DNAH7: variants seen among roughly 807,000 people sequenced by gnomAD.
DNAH7 encodes the protein axonemal beta dynein heavy chain 7.
DNAH7 carries 397 observed loss-of-function variants against 444.6 expected under a neutral mutation model. That is an observed-to-expected ratio of 0.89 (90% CI 0.82 to 0.97). The LOEUF (loss-of-function observed/expected upper bound fraction) is 0.97. Ranked by LOEUF, DNAH7 falls within the 50% of genes least tolerant of loss-of-function variation. DNAH7 has a pLI of 0.00. For missense variants in DNAH7, 4,902 were observed against 4,800.8 expected (o/e 1.02, Z -0.62); for synonymous variants, 1,636 against 1,624.4 (o/e 1.01, Z -0.17).
chr2:196,033,696 GGACA>G (rs1373269904), intron 5 of DNAH7, among the ~76,000 whole-genome samples: 1 of 152,044 alleles, frequency 6.6e-6, no homozygotes, highest in Non-Finnish European at 1.5e-5. Context: ...ATCTGCTGAT[GGACA>G]GTCAGGTTGA....
At chr2:195,807,191 C>T (rs1029596709) in intron 53 of DNAH7, among the ~76,000 whole-genome samples, 1 of 151,178 alleles carries the variant, frequency 6.6e-6, no homozygotes, top group Admixed American at 6.6e-5. Flanking sequence ...GAGTTTTGCT[C>T]TGTCGCCCAG....
At chr2:195,776,132 C>G in intron 59 of DNAH7, 149 bp from the exon 60 acceptor site, 1 of 1,068,386 alleles carries the variant, frequency 9.4e-7, no homozygotes, top group Non-Finnish European at 1.3e-6. Context: ...TTCTTTCAGC[C>G]TGGGCCAAAG....
intron 10 of DNAH7, among the ~76,000 whole-genome samples, chr2:196,009,599 G>C (rs894052845): frequency 1.3e-5 from 2 of 152,140 alleles, no homozygotes; most frequent in Non-Finnish European, 2.9e-5. Flanking sequence ...TATTACATTG[G>C]TCTGGGCAAA....
chr2:195,785,438 G>A (rs980568438), intron 58 of DNAH7, among the ~76,000 whole-genome samples: 1 of 152,130 alleles, frequency 6.6e-6, no homozygotes, highest in Non-Finnish European at 1.5e-5. Flanking sequence ...GTCGAAAGCA[G>A]TAGTGAGAAA....
chr2:195,866,934 G>A (rs2125104987), intron 40 of DNAH7, among the ~76,000 whole-genome samples: 1 of 152,214 alleles, frequency 6.6e-6, no homozygotes, highest in African/African-American at 2.4e-5. Context: ...TTTTAAAAAG[G>A]GGAGTTTCCC....
intron 15 of DNAH7, among the ~76,000 whole-genome samples, chr2:195,980,354 G>A (rs954503715): frequency 1.3e-5 from 2 of 152,136 alleles, no homozygotes; most frequent in African/African-American, 4.8e-5. Flanking sequence ...CTTCTGCCAT[G>A]ACTGTAAGTT....
intron 5 of DNAH7, among the ~76,000 whole-genome samples, chr2:196,037,548 G>T (rs878884073): frequency 1.3e-5 from 2 of 152,058 alleles, no homozygotes; most frequent in Admixed American, 1.3e-4. Context: ...TGAAAGGATA[G>T]ATGTCACAAA....
chr2:196,064,643 T>C (rs16844454), intron 1 of DNAH7, among the ~76,000 whole-genome samples: 6,720 of 152,276 alleles, frequency 0.044, 342 homozygotes, highest in African/African-American at 0.12. Flanking sequence ...TGTCAAACAA[T>C]CTAAGATATT....
intron 12 of DNAH7, among the ~76,000 whole-genome samples, chr2:195,997,899 C>T (rs1331810775): frequency 6.6e-6 from 1 of 152,102 alleles, no homozygotes; most frequent in Non-Finnish European, 1.5e-5. Context: ...ATCTGTATCT[C>T]TGGGGCAAGG....
intron 64 of DNAH7, among the ~76,000 whole-genome samples, chr2:195,740,329 T>G (rs926352158): frequency 6.6e-6 from 1 of 152,136 alleles, no homozygotes; most frequent in Non-Finnish European, 1.5e-5. Context: ...GAGAAAATAT[T>G]AGCTCATGCC....
chr2:195,828,998 C>T (rs1195995248), intron 48 of DNAH7, among the ~76,000 whole-genome samples: 2 of 152,146 alleles, frequency 1.3e-5, no homozygotes, highest in African/African-American at 4.8e-5. Flanking sequence ...TGAAAGTTTA[C>T]ATCTTTACAA....
At chr2:196,014,721 C>T (rs547903850) in intron 9 of DNAH7, among the ~76,000 whole-genome samples, 8 of 152,166 alleles carry the variant, frequency 5.3e-5, no homozygotes, top group Non-Finnish European at 1.2e-4. Context: ...AAATTCCACT[C>T]GAAGTATCTA....
intron 49 of DNAH7, among the ~76,000 whole-genome samples, chr2:195,820,818 C>T (rs1697433364): frequency 6.6e-6 from 1 of 152,130 alleles, no homozygotes; most frequent in Admixed American, 6.6e-5. Flanking sequence ...GAAACAACCC[C>T]ATGGGCAAAC....
At chr2:195,873,966 C>T (rs921458316) in intron 38 of DNAH7, among the ~76,000 whole-genome samples, 1 of 152,044 alleles carries the variant, frequency 6.6e-6, no homozygotes, top group Non-Finnish European at 1.5e-5. Context: ...TCAGACCAGG[C>T]AGAAAAAGCC....
chr2:195,745,933 TG>T (rs1273505910), intron 63 of DNAH7, among the ~76,000 whole-genome samples: 145 of 152,284 alleles, frequency 9.5e-4, no homozygotes, highest in Middle Eastern at 3.4e-3. Context: ...AGGAAGAAAC[TG>T]CATCAACTAA....
At chr2:195,848,193 C>T (rs1699129101) in intron 46 of DNAH7, among the ~76,000 whole-genome samples, 1 of 152,098 alleles carries the variant, frequency 6.6e-6, no homozygotes, top group South Asian at 2.1e-4. Flanking sequence ...TAGGCTGGAC[C>T]AACATTCCTT....
chr2:195,941,395 G>T (rs184713481), intron 19 of DNAH7, among the ~76,000 whole-genome samples: 4 of 145,918 alleles, frequency 2.7e-5, no homozygotes, highest in African/African-American at 1.0e-4. Flanking sequence ...AGAGGAGGGA[G>T]AGCATTAGGA....
chr2:195,926,362 G>T, intron 22 of DNAH7, 64 bp downstream of exon 22: 1 of 1,305,140 alleles, frequency 7.7e-7, no homozygotes, highest in Non-Finnish European at 1.0e-6. Context: ...TAAAATAAGT[G>T]TATTCTGGCA....
At chr2:195,895,279 AT>A in intron 29 of DNAH7, 55 bp from the exon 30 acceptor site, 6 of 1,214,310 alleles carry the variant, frequency 4.9e-6, no homozygotes, top group African/African-American at 3.1e-5. Context: ...TTAAATACAA[AT>A]ATTTTGTATT....
Sources: gnomAD v4.1 joint callset for allele counts (sites outside exome capture counted in the v4.1 genomes callset) on GRCh38, gnomAD v4.1.1 for gene constraint, MANE v1.5 for transcripts, NCBI Gene and HGNC (gene_info 2026-07-23, HGNC 2026-07-21) for gene names.